Variants in MAPRE3 observed in about 807,000 individuals in gnomAD.
MAPRE3 encodes the protein microtubule-associated protein RP/EB family member 3.
In MAPRE3, 2 loss-of-function variants were observed where a neutral mutation model predicts 30.5. The ratio of observed to expected loss-of-function variants is 0.07; its 90% confidence interval spans 0.03 to 0.21. MAPRE3 has a LOEUF of 0.21. Ranked by LOEUF, MAPRE3 falls within the 10% of genes least tolerant of loss-of-function variation. The probability of loss-of-function intolerance (pLI) is 1.00; values close to 1 mark genes in which losing one functional copy is unlikely to be tolerated. For synonymous variants in MAPRE3, 110 were observed against 127.7 expected (o/e 0.86, Z 0.93); for missense variants, 204 against 351.8 (o/e 0.58, Z 3.36).
At chr2:27,023,968 C>A in intron 3 of MAPRE3, 128 bp from the exon 4 acceptor site, 1 of 677,844 alleles carries the variant, frequency 1.5e-6, no homozygotes. Flanking sequence ...GGGAGGGGGG[C>A]AAGTGGAGAA....
intron 5 of MAPRE3, 38 bp from the exon 6 acceptor site, chr2:27,025,842 G>A: frequency 6.2e-7 from 1 of 1,613,858 alleles, no homozygotes; most frequent in Non-Finnish European, 8.5e-7. Context: ...ACCTGAGGTG[G>A]GGACCTCTGG....
In MAPRE3 at chr2:27,026,443, G is replaced by A; in HGVS notation, c.*95G>A. 8.9e-7 allele frequency: 1 copy of A among 1,122,472 alleles called. No homozygotes were observed. The highest frequency in any genetic ancestry group is 1.3e-6 in the Non-Finnish European group (1 of 772,630). 69.5% of individuals were successfully genotyped at this position (1,122,472 alleles called of 1,614,324 possible). ...AGTCCTTTCCTAACACGGTCGGCCG[G>A]GTGCTTTGTGTCAGTGCTGCAGCAC... On this transcript the variant is annotated 3_prime_UTR_variant, in exon 7 of 7. Coordinates refer to ENST00000233121, the MANE Select transcript of MAPRE3 (RefSeq NM_012326.4).
intron 1 of MAPRE3, among the ~76,000 whole-genome samples, chr2:26,997,848 GAAT>G (rs1306386938): frequency 6.6e-6 from 1 of 152,204 alleles, no homozygotes; most frequent in Non-Finnish European, 1.5e-5. Context: ...AACGAAGACA[GAAT>G]AATAGAATTG....
chr2:27,004,599 C>A (rs1442274442), intron 1 of MAPRE3, among the ~76,000 whole-genome samples: 1 of 152,044 alleles, frequency 6.6e-6, no homozygotes, highest in African/African-American at 2.4e-5. Context: ...GCATGCGCCA[C>A]CATGCCCAGC....
At chr2:26,989,933 C>G (rs185530932) in intron 1 of MAPRE3, among the ~76,000 whole-genome samples, 1 of 152,176 alleles carries the variant, frequency 6.6e-6, no homozygotes, top group Non-Finnish European at 1.5e-5. Context: ...AATCCTAGCA[C>G]TTTGAGAAGC....
intron 1 of MAPRE3, among the ~76,000 whole-genome samples, chr2:27,001,707 T>C (rs1295627446): frequency 6.6e-6 from 1 of 152,202 alleles, no homozygotes; most frequent in Admixed American, 6.5e-5. Context: ...CATACGTACA[T>C]ACATGTATAC....
intron 1 of MAPRE3, among the ~76,000 whole-genome samples, chr2:26,979,489 G>C (rs1052158154): frequency 6.6e-6 from 1 of 152,230 alleles, no homozygotes; most frequent in African/African-American, 2.4e-5. Context: ...GGGAAGCCAA[G>C]GCAGGAGGAT....
chr2:26,980,850 G>A (rs1197661198), intron 1 of MAPRE3, among the ~76,000 whole-genome samples: 1 of 152,164 alleles, frequency 6.6e-6, no homozygotes, highest in Non-Finnish European at 1.5e-5. Context: ...GAAGGGAAAA[G>A]GAGTTATCCA....
At chr2:27,003,877 C>A (rs1666660115) in intron 1 of MAPRE3, among the ~76,000 whole-genome samples, 1 of 152,214 alleles carries the variant, frequency 6.6e-6, no homozygotes, top group Admixed American at 6.5e-5. Flanking sequence ...AACCTCTGAC[C>A]TATAACCGTC....
At chr2:27,016,421 T>G (rs1666987162) in intron 1 of MAPRE3, among the ~76,000 whole-genome samples, 2 of 151,112 alleles carry the variant, frequency 1.3e-5, no homozygotes, top group South Asian at 2.1e-4. Flanking sequence ...GTGTCGCTCT[T>G]TTGCCCAGGC....
Position 27,026,496 on chromosome 2 carries a change from G to A in MAPRE3, c.*148G>A. ...GGGAGCCAGGCGAGGGGGGCTTGGG[G>A]GCATGGGGCCGGAAAGCAGGCAGAA... On this transcript the variant is annotated 3_prime_UTR_variant, in exon 7 of 7. Coordinates refer to ENST00000233121, the MANE Select transcript of MAPRE3 (RefSeq NM_012326.4). 1 of 666,892 alleles carries A rather than the reference G, an allele frequency of 1.5e-6. No homozygotes were observed. Among genetic ancestry groups the A allele is most frequent in the East Asian group, 2.9e-5 (1 of 33,944 alleles). 41.3% of individuals were successfully genotyped at this position (666,892 alleles called of 1,614,324 possible).
At chr2:26,998,150 G>T (rs926116546) in intron 1 of MAPRE3, among the ~76,000 whole-genome samples, 1 of 152,232 alleles carries the variant, frequency 6.6e-6, no homozygotes, top group Non-Finnish European at 1.5e-5. Flanking sequence ...TTTTACAAAC[G>T]CTGTGGTCAC....
intron 1 of MAPRE3, among the ~76,000 whole-genome samples, chr2:26,981,442 A>G (rs1344470592): frequency 1.3e-5 from 2 of 152,172 alleles, no homozygotes; most frequent in Non-Finnish European, 2.9e-5. Context: ...AACGGAAAAC[A>G]GGTTTAGAAT....
chr2:27,011,188 AAT>A (rs1386934574), intron 1 of MAPRE3, among the ~76,000 whole-genome samples: 1 of 152,016 alleles, frequency 6.6e-6, no homozygotes, highest in Non-Finnish European at 1.5e-5. Flanking sequence ...AGTAATAATA[AAT>A]ATGTTTCCCA....
At chr2:26,977,801 C>T (rs1042517461) in intron 1 of MAPRE3, among the ~76,000 whole-genome samples, 1 of 152,222 alleles carries the variant, frequency 6.6e-6, no homozygotes, top group Non-Finnish European at 1.5e-5. Flanking sequence ...TCCACACACA[C>T]ACACTGTACA....
intron 1 of MAPRE3, among the ~76,000 whole-genome samples, chr2:26,982,914 T>G (rs934958370): frequency 6.6e-6 from 1 of 152,182 alleles, no homozygotes; most frequent in African/African-American, 2.4e-5. Context: ...GCCCTCACAT[T>G]TGTCCCTAAT....
chr2:27,018,234 G>A (rs1244662487), intron 1 of MAPRE3, among the ~76,000 whole-genome samples: 1 of 152,172 alleles, frequency 6.6e-6, no homozygotes, highest in Non-Finnish European at 1.5e-5. Context: ...TCTGAGGCCT[G>A]TCAGCCACAG....
At chr2:26,973,520 TTG>T (rs1665953333) in intron 1 of MAPRE3, among the ~76,000 whole-genome samples, 1 of 152,132 alleles carries the variant, frequency 6.6e-6, no homozygotes, top group South Asian at 2.1e-4. Context: ...CGAGTAACAT[TTG>T]TCAGAAGCCG....
intron 1 of MAPRE3, among the ~76,000 whole-genome samples, chr2:27,004,129 G>C (rs1381846701): frequency 6.6e-6 from 1 of 152,144 alleles, no homozygotes; most frequent in African/African-American, 2.4e-5. Flanking sequence ...AAGAAACTCA[G>C]GCAAAGAGAG....
Sources: allele counts gnomAD v4.1 joint callset (sites outside exome capture counted in the v4.1 genomes callset), GRCh38; gene constraint gnomAD v4.1.1; transcripts MANE v1.5; gene names NCBI Gene and HGNC (gene_info 2026-07-23, HGNC 2026-07-21).